The following SCN2A variants were observed in gnomAD, a reference collection of about 807,000 sequenced individuals.
SCN2A encodes sodium voltage-gated channel alpha subunit 2.
SCN2A carries 20 observed loss-of-function variants against 188.7 expected under a neutral mutation model. The ratio of observed to expected loss-of-function variants is 0.11; its 90% CI spans 0.07 to 0.15. SCN2A has a LOEUF of 0.15. Ranked by LOEUF, SCN2A falls within the 10% of genes least tolerant of loss-of-function variation. The probability of loss-of-function intolerance (pLI) is 1.00; values close to 1 mark genes in which losing one functional copy is unlikely to be tolerated. For synonymous variants in SCN2A, 804 were observed against 833.1 expected (o/e 0.97, Z 0.60); for missense variants, 1,278 against 2,445.0 (o/e 0.52, Z 10.07).
At position 165,392,159 on chromosome 2, in the gene SCN2A, A is replaced by G. The variant is rs1443313081; in HGVS notation, c.*2335A>G. On this transcript the variant is annotated 3_prime_UTR_variant, in exon 27 of 27. Coordinates refer to ENST00000375437, the MANE Select transcript of SCN2A (RefSeq NM_001040142.2). ...ATGTAAAGAACACACATTAATTACT[A>G]TAATTCATCTTTCAATTTTTTCATG... is the stretch of plus-strand genomic sequence containing the variant. The G allele has an allele frequency of 6.6e-6, 1 of 152,590 alleles. No individual in the cohort carries two copies. Among genetic ancestry groups the G allele is most frequent in the African/African-American group, 2.4e-5 (1 of 41,458 alleles). 9.5% of individuals were successfully genotyped at this position (152,590 alleles called of 1,614,324 possible). A position where few individuals can be genotyped will look rare whatever the true frequency, so the allele number is the denominator to read the frequency against.
chr2:165,254,682 G>A (rs921281756), intron 1 of SCN2A, among the ~76,000 whole-genome samples: 6 of 151,658 alleles, frequency 4.0e-5, no homozygotes, highest in African/African-American at 1.4e-4. Flanking sequence ...CACTTTCATA[G>A]ACGTACACAT....
chr2:165,298,209 GC>G (rs1284652035), intron 3 of SCN2A, among the ~76,000 whole-genome samples: 1 of 152,160 alleles, frequency 6.6e-6, no homozygotes, highest in Non-Finnish European at 1.5e-5. Flanking sequence ...GATGTGGTTA[GC>G]CCAGGGCCTG....
At position 165,386,650 on chromosome 2, in the gene SCN2A, A is replaced by G. The variant is rs140531053; in HGVS notation, c.4552-96A>G. 46 of 1,281,482 alleles carry G rather than the reference A, an allele frequency of 3.6e-5. No homozygotes were observed. In the East Asian group the frequency reaches 1.1e-3, roughly 30 times the overall value. 79.4% of individuals were successfully genotyped at this position (1,281,482 alleles called of 1,614,324 possible). A position where few individuals can be genotyped will look rare whatever the true frequency, so the allele number is the denominator to read the frequency against. On this transcript the variant is annotated intron_variant, in intron 25 of 26. Coordinates refer to ENST00000375437, the MANE Select transcript of SCN2A (RefSeq NM_001040142.2). ...TGAGGATTAAAGATGTGTTTTTATA[A>G]AAGCTACATTTTTTGTTGCTTTCTT...
At chr2:165,272,302 G>A (rs1485893993) in intron 1 of SCN2A, 1 of 152,006 alleles carries the variant, frequency 6.6e-6, no homozygotes, top group Non-Finnish European at 1.5e-5. Flanking sequence ...AGGCCAATTT[G>A]TAACAAGGCA....
chr2:165,260,057 C>T (rs1220676513), intron 1 of SCN2A, among the ~76,000 whole-genome samples: 1 of 151,060 alleles, frequency 6.6e-6, no homozygotes, highest in Admixed American at 6.6e-5. Flanking sequence ...CATTCTCCCA[C>T]CTCAACCTCC....
At chr2:165,322,384 T>C (rs945694271) in intron 11 of SCN2A, among the ~76,000 whole-genome samples, 2 of 152,172 alleles carry the variant, frequency 1.3e-5, no homozygotes, top group Non-Finnish European at 2.9e-5. Flanking sequence ...CCAGATAACC[T>C]GGTCTGAGAG....
At chr2:165,365,118 G>A (rs1177919330) in intron 17 of SCN2A, 25 bp from the exon 18 acceptor site, 1 of 1,603,388 alleles carries the variant, frequency 6.2e-7, no homozygotes, top group South Asian at 1.1e-5. Flanking sequence ...AATTAAATGT[G>A]TTTTTTTGTG....
intron 13 of SCN2A, chr2:165,327,193 C>A (rs941967385): frequency 3.7e-6 from 2 of 545,088 alleles, no homozygotes; most frequent in African/African-American, 1.9e-5. Flanking sequence ...AAAGCTGCTG[C>A]AAATGTAAGG....
intron 1 of SCN2A, among the ~76,000 whole-genome samples, chr2:165,284,434 G>C (rs554681492): frequency 1.9e-4 from 29 of 152,228 alleles, no homozygotes; most frequent in African/African-American, 7.0e-4. Flanking sequence ...CTCCCAAAGT[G>C]CTGGGTTTAC....
intron 22 of SCN2A, among the ~76,000 whole-genome samples, chr2:165,375,936 G>T (rs1335837664): frequency 6.6e-6 from 1 of 151,814 alleles, no homozygotes; most frequent in African/African-American, 2.4e-5. Context: ...GAAATTAAGT[G>T]AAATAAGCCA....
intron 1 of SCN2A, chr2:165,272,218 G>T (rs1003766228): frequency 1.3e-5 from 2 of 151,868 alleles, no homozygotes; most frequent in Admixed American, 1.3e-4. Context: ...ATGGCTATAT[G>T]AATATCAAAA....
chr2:165,294,059 A>G (rs1293381114), intron 1 of SCN2A: 2 of 913,894 alleles, frequency 2.2e-6, no homozygotes, highest in African/African-American at 3.7e-5. Context: ...TTTTTAAAGC[A>G]TGATGGAATT....
intron 4 of SCN2A, among the ~76,000 whole-genome samples, chr2:165,308,175 T>C (rs1029270324): frequency 6.6e-6 from 1 of 152,164 alleles, no homozygotes; most frequent in Admixed American, 6.6e-5. Flanking sequence ...TTATCTTCTT[T>C]GTGAGTCTTA....
intron 1 of SCN2A, among the ~76,000 whole-genome samples, chr2:165,249,186 A>G (rs529436413): frequency 6.6e-6 from 1 of 152,184 alleles, no homozygotes; most frequent in East Asian, 1.9e-4. Flanking sequence ...ACCACACTCA[A>G]TGTCTGGCAC....
intron 16 of SCN2A, among the ~76,000 whole-genome samples, chr2:165,350,495 C>T (rs142052292): frequency 0.12 from 10,938 of 89,026 alleles, 696 homozygotes; most frequent in Middle Eastern, 0.21. Flanking sequence ...TTTTTTGAGA[C>T]GGAGTCTCGC....
At chr2:165,288,273 T>C (rs1242633208) in intron 1 of SCN2A, among the ~76,000 whole-genome samples, 1 of 152,202 alleles carries the variant, frequency 6.6e-6, no homozygotes, top group Non-Finnish European at 1.5e-5. Context: ...TGCCAAAAAA[T>C]GCAAGTAAAT....
chr2:165,370,948 C>T (rs1700992914), intron 20 of SCN2A: 1 of 152,668 alleles, frequency 6.6e-6, no homozygotes, highest in African/African-American at 2.4e-5. Context: ...ATTACATTAA[C>T]AGTCTCTGGC....
intron 3 of SCN2A, among the ~76,000 whole-genome samples, chr2:165,302,248 G>T (rs1696855610): frequency 6.6e-6 from 1 of 152,142 alleles, no homozygotes; most frequent in Non-Finnish European, 1.5e-5. Context: ...GCAAATAGGA[G>T]TTTGTTCATA....
chr2:165,248,830 A>G (rs570775951), intron 1 of SCN2A, among the ~76,000 whole-genome samples: 10 of 152,262 alleles, frequency 6.6e-5, no homozygotes, highest in African/African-American at 2.4e-4. Flanking sequence ...GAATAAAATA[A>G]TGAATCTTAG....
Sources: allele counts gnomAD v4.1 joint callset (sites outside exome capture counted in the v4.1 genomes callset), GRCh38; gene constraint gnomAD v4.1.1; transcripts MANE v1.5; gene names NCBI Gene and HGNC (gene_info 2026-07-23, HGNC 2026-07-21).